Variants in CALN1 observed in about 807,000 individuals in gnomAD.
The protein encoded by CALN1 is calcium-binding protein 8.
CALN1 carries 17 observed loss-of-function variants against 30.6 expected under a neutral mutation model. The ratio of observed to expected loss-of-function variants is 0.56; its 90% CI spans 0.38 to 0.83. The LOEUF is 0.83. Among genes scored for constraint, CALN1 ranks in the 40% least tolerant of loss-of-function variants. The pLI, the probability that CALN1 is intolerant of heterozygous loss-of-function variation, is 0.00. For missense variants in CALN1, 291 were observed against 354.9 expected (o/e 0.82, Z 1.45); for synonymous variants, 156 against 131.4 (o/e 1.19, Z -1.28).
At chr7:72,240,190 T>C (rs1159389933) in intron 3 of CALN1, among the ~76,000 whole-genome samples, 1 of 142,088 alleles carries the variant, frequency 7.0e-6, no homozygotes, top group Non-Finnish European at 1.5e-5. Flanking sequence ...TTGGGGAAAT[T>C]TCTTTTTTTT....
chr7:72,183,000 G>C (rs1308814966), intron 3 of CALN1, among the ~76,000 whole-genome samples: 2 of 152,104 alleles, frequency 1.3e-5, no homozygotes, highest in Non-Finnish European at 2.9e-5. Context: ...AAACCATCCA[G>C]TTGTCAAGCA....
At chr7:72,075,216 T>C (rs1804653065) in intron 4 of CALN1, among the ~76,000 whole-genome samples, 1 of 152,234 alleles carries the variant, frequency 6.6e-6, no homozygotes, top group East Asian at 1.9e-4. Flanking sequence ...GCCCACCCAC[T>C]AGTGGGAAGA....
rs56386718 is a variant in CALN1 at position 72,268,793 on chromosome 7, C to CCACACACACAAACACACACA, written c.244+9892_244+9893insTGTGTGTGTTTGTGTGTGTG. 7.8e-3 allele frequency among the ~76,000 whole-genome samples: 1,142 copies of CCACACACACAAACACACACA among 145,916 alleles called. 7 individuals carry two copies. Among genetic ancestry groups the CCACACACACAAACACACACA allele is most frequent in the Middle Eastern group, 0.015 (4 of 274 alleles). On this transcript the variant is annotated intron_variant, in intron 3 of 6. Transcript: ENST00000395275. ...GCCTGGGCAACAGAGCAAGACCCTG[C>CCACACACACAAACACACACA]CACACACACACACACACACACACAC...
At chr7:72,442,318 G>A (rs1218659481) in intron 1 of CALN1, among the ~76,000 whole-genome samples, 1 of 152,150 alleles carries the variant, frequency 6.6e-6, no homozygotes, top group African/African-American at 2.4e-5. Flanking sequence ...GCTGGCTCCC[G>A]CCTCACTCAA....
At chr7:72,399,300 C>T in intron 2 of CALN1, among the ~76,000 whole-genome samples, 1 of 113,808 alleles carries the variant, frequency 8.8e-6, no homozygotes, top group Non-Finnish European at 1.6e-5. Flanking sequence ...GAGATGGAGT[C>T]TCACTCTGTC....
At chr7:72,138,813 A>G (rs1470170982) in intron 3 of CALN1, among the ~76,000 whole-genome samples, 1 of 152,186 alleles carries the variant, frequency 6.6e-6, no homozygotes, top group Non-Finnish European at 1.5e-5. Flanking sequence ...TTTCTTTCAG[A>G]ACTGTCACCA....
At chr7:72,485,260 C>G in the CALN1 span, among the ~76,000 whole-genome samples, 1 of 151,992 alleles carries the variant, frequency 6.6e-6, no homozygotes, top group Non-Finnish European at 1.5e-5. Context: ...TAAGTATTAA[C>G]TCAACAACTA....
At chr7:72,264,720 T>C (rs28548784) in intron 3 of CALN1, among the ~76,000 whole-genome samples, 28,720 of 152,046 alleles carry the variant, frequency 0.19, 3,777 homozygotes, top group East Asian at 0.43. Context: ...CACGTGCAGA[T>C]TTGTTCCATA....
At chr7:71,926,868 T>C (rs543077490) in intron 5 of CALN1, among the ~76,000 whole-genome samples, 14 of 152,338 alleles carry the variant, frequency 9.2e-5, no homozygotes, top group African/African-American at 3.1e-4. Flanking sequence ...ATAACTTCTG[T>C]TGAAATTCTC....
intron 4 of CALN1, among the ~76,000 whole-genome samples, chr7:72,086,572 T>TA (rs34198759): frequency 0.21 from 31,729 of 151,914 alleles, 3,611 homozygotes; most frequent in Admixed American, 0.28. Flanking sequence ...TAGCTGGGAC[T>TA]ACCGGCCCGT....
intron 5 of CALN1, among the ~76,000 whole-genome samples, chr7:71,983,526 G>A (rs1036876949): frequency 5.5e-5 from 8 of 144,414 alleles, no homozygotes; most frequent in Non-Finnish European, 1.2e-4. Context: ...CTATCTGATT[G>A]GATGCTTTTT....
intron 2 of CALN1, among the ~76,000 whole-genome samples, chr7:72,331,337 G>C (rs745875862): frequency 6.6e-6 from 1 of 151,886 alleles, no homozygotes; most frequent in African/African-American, 2.4e-5. Flanking sequence ...GCAACAGAGC[G>C]AGACTCCATC....
At chr7:72,260,434 C>T (rs940597974) in intron 3 of CALN1, among the ~76,000 whole-genome samples, 24 of 152,256 alleles carry the variant, frequency 1.6e-4, no homozygotes, top group African/African-American at 5.5e-4. Flanking sequence ...GTGCACAGAC[C>T]CCAGGTTAAA....
chr7:71,993,374 G>T (rs1445426855), intron 5 of CALN1, among the ~76,000 whole-genome samples: 1 of 152,012 alleles, frequency 6.6e-6, no homozygotes, highest in East Asian at 1.9e-4. Flanking sequence ...GCTGAGGTGG[G>T]AGGATCACTC....
intron 4 of CALN1, among the ~76,000 whole-genome samples, chr7:72,073,918 T>C (rs1804565349): frequency 1.3e-5 from 2 of 152,162 alleles, no homozygotes; most frequent in African/African-American, 2.4e-5. Flanking sequence ...CAGTCTTGAA[T>C]TCCCCAGCTC....
At chr7:72,341,506 G>C (rs894934907) in intron 2 of CALN1, among the ~76,000 whole-genome samples, 1 of 151,778 alleles carries the variant, frequency 6.6e-6, no homozygotes, top group African/African-American at 2.4e-5. Flanking sequence ...CTGGGCAACA[G>C]AGCGAGACTC....
intron 4 of CALN1, among the ~76,000 whole-genome samples, chr7:72,025,147 C>A (rs1004935531): frequency 2.0e-5 from 3 of 152,004 alleles, no homozygotes; most frequent in African/African-American, 7.2e-5. Flanking sequence ...CCTGTCTCTA[C>A]TAAAAGTACA....
intron 2 of CALN1, among the ~76,000 whole-genome samples, chr7:72,356,406 G>A (rs796861276): frequency 6.6e-5 from 10 of 152,088 alleles, no homozygotes; most frequent in African/African-American, 2.4e-4. Flanking sequence ...GGGGTAAACA[G>A]AGTTAAAGTG....
chr7:72,075,148 C>A (rs1335474824), intron 4 of CALN1, among the ~76,000 whole-genome samples: 1 of 152,180 alleles, frequency 6.6e-6, no homozygotes, highest in Non-Finnish European at 1.5e-5. Context: ...GGAGCTCTCT[C>A]TAAGTCAGGG....
Sources: gnomAD v4.1 joint callset for allele counts (sites outside exome capture counted in the v4.1 genomes callset) on GRCh38, gnomAD v4.1.1 for gene constraint, MANE v1.5 for transcripts, NCBI Gene and HGNC (gene_info 2026-07-23, HGNC 2026-07-21) for gene names.